Variants in KALRN observed in about 807,000 individuals in gnomAD.
KALRN encodes kalirin RhoGEF kinase.
A neutral mutation model predicts 353.7 loss-of-function variants in KALRN; 70 were observed. The ratio of observed to expected loss-of-function variants is 0.20; its 90% confidence interval spans 0.16 to 0.24. The LOEUF is 0.24. KALRN is among the 10% of genes least tolerant of loss of function. The probability of loss-of-function intolerance (pLI) is 1.00; values close to 1 mark genes in which losing one functional copy is unlikely to be tolerated. For synonymous variants in KALRN, 1,391 were observed against 1,434.8 expected, an observed-to-expected ratio of 0.97 and a Z score of 0.69; for missense variants, 2,791 against 3,756.7, an observed-to-expected ratio of 0.74 and a Z score of 6.72.
At chr3:124,195,155 T>C (rs2075304772) in intron 1 of KALRN, among the ~76,000 whole-genome samples, 1 of 152,196 alleles carries the variant, frequency 6.6e-6, no homozygotes, top group South Asian at 2.1e-4. Context: ...ATACACTCTT[T>C]CAGAGGGTGC....
chr3:124,554,241 AGCTACTTGGGAGG>A (rs1289514730), intron 33 of KALRN, among the ~76,000 whole-genome samples: 1 of 152,208 alleles, frequency 6.6e-6, no homozygotes, highest in African/African-American at 2.4e-5. Context: ...CTGTAATTCC[AGCTACTTGGGAGG>A]CAGAGGCAGG....
intron 13 of KALRN, chr3:124,410,351 C>G: frequency 4.2e-6 from 2 of 481,098 alleles, no homozygotes; most frequent in South Asian, 3.1e-5. Context: ...TCCTTTCATG[C>G]TTGTTGTCTT....
intron 1 of KALRN, among the ~76,000 whole-genome samples, chr3:124,086,355 T>G (rs12486892): frequency 9.1e-5 from 9 of 99,072 alleles, no homozygotes; most frequent in East Asian, 6.5e-4. Flanking sequence ...GTGTGTGTGT[T>G]TTTGCTGGGG....
chr3:124,296,885 T>G (rs930902248), intron 5 of KALRN, among the ~76,000 whole-genome samples: 1 of 152,364 alleles, frequency 6.6e-6, no homozygotes, highest in East Asian at 1.9e-4. Context: ...CTGAGAAGCC[T>G]TCTCTGCTCT....
chr3:124,040,411 T>C (rs375993464), intron 1 of KALRN, among the ~76,000 whole-genome samples: 24 of 151,962 alleles, frequency 1.6e-4, no homozygotes, highest in African/African-American at 5.1e-4. Flanking sequence ...CCCCCCATCA[T>C]AGAACATTTA....
intron 34 of KALRN, among the ~76,000 whole-genome samples, chr3:124,629,786 CT>C (rs2080535929): frequency 8.3e-6 from 1 of 119,814 alleles, no homozygotes; most frequent in African/African-American, 3.0e-5. Context: ...CTTAATCTTG[CT>C]TTTTCATTTT....
intron 10 of KALRN, among the ~76,000 whole-genome samples, chr3:124,373,081 C>T (rs2086084046): frequency 1.3e-5 from 2 of 152,162 alleles, no homozygotes; most frequent in African/African-American, 4.8e-5. Context: ...CCTCATACCC[C>T]TTGGCCCTCA....
chr3:124,228,328 G>A (rs960018277), intron 2 of KALRN, among the ~76,000 whole-genome samples: 1 of 152,208 alleles, frequency 6.6e-6, no homozygotes, highest in Non-Finnish European at 1.5e-5. Flanking sequence ...CTGGCCCTGT[G>A]AGAGTTGCTC....
rs2061279337 is a variant in KALRN, at chr3:124,474,714, A to G, written c.4083A>G (p.Gly1361=). The G allele has an allele frequency of 6.2e-7, 1 of 1,614,006 alleles. No homozygotes were observed. The highest frequency in any genetic ancestry group is 2.2e-5 in the East Asian group (1 of 44,876). The stretch of plus-strand genomic sequence containing the variant: ...ACGAGCAACTGCCTGAGGATGTGGG[A>G]CACTGCTTTGTTACCTGGGTAACCA... ...EKYEQLPEDV[G]HCFVTWADKF... Residue 1361 remains glycine, a synonymous_variant, in exon 26 of 60, where the codon GGA becomes GGG. Coordinates refer to ENST00000682506, the MANE Select transcript of KALRN (RefSeq NM_001388419.1).
intron 1 of KALRN, among the ~76,000 whole-genome samples, chr3:124,139,427 A>G (rs1488282230): frequency 6.6e-6 from 1 of 152,144 alleles, no homozygotes; most frequent in African/African-American, 2.4e-5. Flanking sequence ...TAATGCATTC[A>G]TTTCTTTATT....
At chr3:124,284,860 T>C (rs1292413042) in intron 5 of KALRN, among the ~76,000 whole-genome samples, 2 of 152,230 alleles carry the variant, frequency 1.3e-5, no homozygotes, top group African/African-American at 4.8e-5. Flanking sequence ...TCAAGATTGA[T>C]GAATCAGTGC....
chr3:124,215,706 G>A (rs567652843), intron 1 of KALRN, among the ~76,000 whole-genome samples: 30 of 152,320 alleles, frequency 2.0e-4, no homozygotes, highest in Admixed American at 3.9e-4. Context: ...TCAGACTTCT[G>A]TCCAAAGTCT....
At chr3:124,717,173 G>A in intron 58 of KALRN, 74 bp from the exon 59 acceptor site, 2 of 1,394,126 alleles carry the variant, frequency 1.4e-6, no homozygotes. Context: ...AGATCTTACT[G>A]ATTTGTACAT....
intron 17 of KALRN, among the ~76,000 whole-genome samples, chr3:124,436,469 G>T (rs1342493478): frequency 6.6e-6 from 1 of 152,246 alleles, no homozygotes; most frequent in East Asian, 1.9e-4. Flanking sequence ...TTCAGGCCTT[G>T]CAGAAAGAAA....
intron 3 of KALRN, among the ~76,000 whole-genome samples, chr3:124,254,762 T>C (rs1355644724): frequency 6.6e-6 from 1 of 152,184 alleles, no homozygotes; most frequent in Non-Finnish European, 1.5e-5. Context: ...TCTATTCAGC[T>C]GGAAGATTTG....
intron 39 of KALRN, 92 bp downstream of exon 39, chr3:124,655,759 A>C (rs549147562): frequency 1.2e-6 from 1 of 858,810 alleles, no homozygotes; most frequent in East Asian, 2.4e-5. Flanking sequence ...TGATGGTTAC[A>C]TGTACTTTAC....
intron 34 of KALRN, among the ~76,000 whole-genome samples, chr3:124,612,191 A>ATTTTTTAAT (rs993688809): frequency 6.6e-6 from 1 of 151,662 alleles, no homozygotes; most frequent in Non-Finnish European, 1.5e-5. Flanking sequence ...CATCCAGCTA[A>ATTTTTTAAT]TTTTTTAATT....
At chr3:124,716,891 G>A (rs1004985166) in intron 58 of KALRN, among the ~76,000 whole-genome samples, 1 of 152,198 alleles carries the variant, frequency 6.6e-6, no homozygotes, top group African/African-American at 2.4e-5. Context: ...GGTTAATCAG[G>A]ATATTGCTGA....
Position 124,694,452 on chromosome 3 carries a change from A to G in KALRN, c.7526A>G (p.Gln2509Arg), listed in dbSNP as rs765850843. 6.2e-7 allele frequency: 1 copy of G among 1,614,200 alleles called. No individual in the cohort carries two copies. Among genetic ancestry groups the G allele is most frequent in the Non-Finnish European group, 8.5e-7 (1 of 1,180,024 alleles). Residue 2509 changes from glutamine (Q) to arginine (R), a missense_variant, in exon 53 of 60, where the codon CAG (glutamine) becomes CGG (arginine). Physicochemically the swap from Gln to Arg is conservative, Grantham distance 43 (BLOSUM62 1). Around this residue, in one of 11 missense-constraint regions of KALRN, gnomAD observed 1,065 missense variants for 1,156.4 expected, o/e 0.92. Transcript: ENST00000682506. ...KPTITWKGPDQNILDTDNSSA... is the reference protein window; with the variant it reads ...KPTITWKGPDRNILDTDNSSA... ...ACCATCACTTGGAAGGGTCCAGACCAGAACATCCTTGACACTGATAACAGC... is the reference window on the plus strand; with the variant it reads ...ACCATCACTTGGAAGGGTCCAGACCGGAACATCCTTGACACTGATAACAGC...
Sources: gnomAD v4.1 joint callset for allele counts (sites outside exome capture counted in the v4.1 genomes callset) on GRCh38, gnomAD v4.1.1 for gene constraint, gnomAD v4.1.1 regional missense constraint, MANE v1.5 for transcripts, NCBI Gene and HGNC (gene_info 2026-07-23, HGNC 2026-07-21) for gene names.